Variants in GRM8 observed in about 807,000 individuals in gnomAD.
GRM8 encodes the protein metabotropic glutamate receptor 8.
Under a neutral mutation model 87.2 loss-of-function variants are expected in GRM8, and 47 were observed. The observed-to-expected ratio is 0.54, with a 90% CI of 0.43 to 0.69. The LOEUF (loss-of-function observed/expected upper bound fraction) is 0.69, where lower values mean the gene tolerates loss of function less well. Ranked by LOEUF, GRM8 falls within the 30% of genes least tolerant of loss-of-function variation. GRM8 has a pLI of 0.00. For synonymous variants in GRM8, 396 were observed against 404.5 expected (o/e 0.98, Z 0.25); for missense variants, 1,019 against 1,139.2 (o/e 0.89, Z 1.52).
chr7:126,870,989 T>G (rs1314661487), intron 6 of GRM8, among the ~76,000 whole-genome samples: 1 of 152,204 alleles, frequency 6.6e-6, no homozygotes, highest in East Asian at 1.9e-4. Context: ...TTTTGCTATA[T>G]CTTGGCCTTC....
intron 9 of GRM8, among the ~76,000 whole-genome samples, chr7:126,488,202 T>C (rs1436043464): frequency 2.6e-5 from 4 of 152,010 alleles, no homozygotes; most frequent in Non-Finnish European, 4.4e-5. Context: ...AGGAAGTTCA[T>C]GGTAGCGAAG....
chr7:126,959,032 T>G (rs985549910), intron 3 of GRM8, among the ~76,000 whole-genome samples: 1 of 152,138 alleles, frequency 6.6e-6, no homozygotes, highest in Non-Finnish European at 1.5e-5. Flanking sequence ...AAATTTAACC[T>G]GGGTAGAAGG....
intron 6 of GRM8, among the ~76,000 whole-genome samples, chr7:126,772,130 T>C (rs1464031537): frequency 1.3e-5 from 2 of 152,162 alleles, no homozygotes; most frequent in Non-Finnish European, 2.9e-5. Context: ...AAATAGACGC[T>C]GTTATTTCCG....
chr7:126,519,151 C>A (rs922936720), intron 9 of GRM8, among the ~76,000 whole-genome samples: 1 of 151,998 alleles, frequency 6.6e-6, no homozygotes, highest in Non-Finnish European at 1.5e-5. Flanking sequence ...GGGAAGAATG[C>A]ACAAGAATTA....
chr7:126,697,607 T>A (rs1229663494), intron 7 of GRM8, among the ~76,000 whole-genome samples: 1 of 152,010 alleles, frequency 6.6e-6, no homozygotes, highest in Non-Finnish European at 1.5e-5. Flanking sequence ...TGTGGGTCAT[T>A]TTTTTTTCTT....
At chr7:127,072,402 G>A (rs893196987) in intron 3 of GRM8, among the ~76,000 whole-genome samples, 4 of 152,206 alleles carry the variant, frequency 2.6e-5, no homozygotes, top group Admixed American at 6.5e-5. Context: ...CCCATTATCT[G>A]TAGAATAAAA....
At chr7:126,830,914 T>C (rs1795300022) in intron 6 of GRM8, among the ~76,000 whole-genome samples, 1 of 152,222 alleles carries the variant, frequency 6.6e-6, no homozygotes, top group South Asian at 2.1e-4. Context: ...TTAGCTTTCC[T>C]TCTAACAGAC....
intron 6 of GRM8, among the ~76,000 whole-genome samples, chr7:126,857,980 G>A (rs775365513): frequency 3.3e-5 from 5 of 152,110 alleles, no homozygotes; most frequent in African/African-American, 9.7e-5. Flanking sequence ...AAGGAAGGAA[G>A]GAAGAGAGGA....
At chr7:126,789,398 T>C (rs937815017) in intron 6 of GRM8, among the ~76,000 whole-genome samples, 2 of 152,108 alleles carry the variant, frequency 1.3e-5, no homozygotes, top group Admixed American at 1.3e-4. Context: ...TCAGCTTCCA[T>C]GTTATAAATT....
chr7:126,895,835 A>T (rs1032977466), intron 6 of GRM8, among the ~76,000 whole-genome samples: 1 of 152,004 alleles, frequency 6.6e-6, no homozygotes, highest in African/African-American at 2.4e-5. Flanking sequence ...TAAAATATTT[A>T]CTACTTTATA....
chr7:126,457,108 T>C (rs1488037916), intron 9 of GRM8, among the ~76,000 whole-genome samples: 3 of 151,448 alleles, frequency 2.0e-5, no homozygotes, highest in Non-Finnish European at 3.0e-5. Flanking sequence ...TCAAAAATTA[T>C]AGGAGTGAAA....
intron 2 of GRM8, among the ~76,000 whole-genome samples, chr7:127,227,728 T>C (rs1797427028): frequency 6.6e-6 from 1 of 152,196 alleles, no homozygotes; most frequent in African/African-American, 2.4e-5. Context: ...CAAACTCTTA[T>C]CCAGTATCCT....
chr7:127,109,833 C>T (rs1587043796), intron 2 of GRM8, among the ~76,000 whole-genome samples: 1 of 152,128 alleles, frequency 6.6e-6, no homozygotes, highest in Admixed American at 6.5e-5. Flanking sequence ...TCCTCCCTTG[C>T]ATTCCACCAA....
chr7:126,885,050 T>A (rs977950807), intron 6 of GRM8, among the ~76,000 whole-genome samples: 4 of 152,182 alleles, frequency 2.6e-5, no homozygotes, highest in African/African-American at 9.6e-5. Context: ...ACTGACTACA[T>A]ACCTCTGCAT....
intron 3 of GRM8, among the ~76,000 whole-genome samples, chr7:127,036,886 A>G (rs11563778): frequency 0.028 from 4,299 of 152,264 alleles, 74 homozygotes; most frequent in Middle Eastern, 0.048. Flanking sequence ...TTTATGACCT[A>G]TCCTAAGCAA....
intron 9 of GRM8, among the ~76,000 whole-genome samples, chr7:126,460,860 A>G (rs545598626): frequency 6.6e-6 from 1 of 151,694 alleles, no homozygotes; most frequent in African/African-American, 2.4e-5. Flanking sequence ...TGCAACTGAC[A>G]TAAGTTCTCA....
intron 2 of GRM8, among the ~76,000 whole-genome samples, chr7:127,177,704 CAGA>C (rs1472043949): frequency 6.6e-6 from 1 of 152,180 alleles, no homozygotes; most frequent in Non-Finnish European, 1.5e-5. Flanking sequence ...AGTACCAGTC[CAGA>C]GCTGGGCAGT....
intron 2 of GRM8, among the ~76,000 whole-genome samples, chr7:127,131,452 T>G (rs1346688445): frequency 2.0e-5 from 3 of 152,162 alleles, no homozygotes; most frequent in Non-Finnish European, 4.4e-5. Context: ...CCTCAATCAA[T>G]TTTTTAAACT....
At chr7:127,029,643 C>T (rs1817158506) in intron 3 of GRM8, among the ~76,000 whole-genome samples, 1 of 144,590 alleles carries the variant, frequency 6.9e-6, no homozygotes. Context: ...TTATCAGAGA[C>T]CAGGATTGCA....
Sources: gnomAD v4.1 joint callset for allele counts (sites outside exome capture counted in the v4.1 genomes callset) on GRCh38, gnomAD v4.1.1 for gene constraint, MANE v1.5 for transcripts, NCBI Gene and HGNC (gene_info 2026-07-23, HGNC 2026-07-21) for gene names.